The following KCNIP4 variants were observed in gnomAD, a reference collection of about 807,000 sequenced individuals.
The protein encoded by KCNIP4 is potassium voltage-gated channel interacting protein 4.
KCNIP4 carries 12 observed loss-of-function variants against 34.0 expected under a neutral mutation model. The ratio of observed to expected loss-of-function variants is 0.35; its 90% CI spans 0.23 to 0.57. The LOEUF is 0.57. KCNIP4 is among the 20% of genes least tolerant of loss of function. The probability of loss-of-function intolerance (pLI) is 0.83; values close to 1 mark genes in which losing one functional copy is unlikely to be tolerated. For missense variants in KCNIP4, 238 were observed against 311.7 expected (o/e 0.76, Z 1.78); for synonymous variants, 124 against 102.2 (o/e 1.21, Z -1.29).
intron 1 of KCNIP4, among the ~76,000 whole-genome samples, chr4:21,150,223 CATAGGGT>C (rs1345106605): frequency 4.6e-5 from 7 of 152,094 alleles, no homozygotes; most frequent in Non-Finnish European, 8.8e-5. Context: ...CCAGCAAACA[CATAGGGT>C]ATGTAGAACT....
chr4:21,682,444 C>T (rs893486768), intron 1 of KCNIP4, among the ~76,000 whole-genome samples: 8 of 152,124 alleles, frequency 5.3e-5, no homozygotes, highest in South Asian at 2.1e-4. Context: ...ATCTTTTACC[C>T]GGACCACTAA....
chr4:21,188,391 A>G (rs1216011289), intron 1 of KCNIP4, among the ~76,000 whole-genome samples: 1 of 152,182 alleles, frequency 6.6e-6, no homozygotes, highest in Non-Finnish European at 1.5e-5. Context: ...GAAGCAATCT[A>G]ATCAAAGAAA....
intron 1 of KCNIP4, among the ~76,000 whole-genome samples, chr4:21,520,633 A>T (rs1484292950): frequency 6.6e-6 from 1 of 152,190 alleles, no homozygotes; most frequent in East Asian, 1.9e-4. Context: ...TGTAGCCCTG[A>T]GTAAGCAATG....
At chr4:21,259,229 A>T (rs1052064266) in intron 1 of KCNIP4, among the ~76,000 whole-genome samples, 1 of 152,180 alleles carries the variant, frequency 6.6e-6, no homozygotes, top group Non-Finnish European at 1.5e-5. Context: ...CTCCTACCTC[A>T]TTAAAACAAT....
chr4:21,529,496 A>G (rs1364674808), intron 1 of KCNIP4, among the ~76,000 whole-genome samples: 2 of 152,194 alleles, frequency 1.3e-5, no homozygotes, highest in Non-Finnish European at 2.9e-5. Flanking sequence ...GTTGGAGCTG[A>G]AACTAATGGA....
chr4:20,960,562 A>T (rs1042921450), intron 1 of KCNIP4, among the ~76,000 whole-genome samples: 6 of 152,196 alleles, frequency 3.9e-5, no homozygotes, highest in Admixed American at 1.3e-4. Flanking sequence ...GGGAGTGGGA[A>T]CTCACACAAG....
chr4:21,180,520 A>C (rs1754760804), intron 1 of KCNIP4, among the ~76,000 whole-genome samples: 1 of 151,902 alleles, frequency 6.6e-6, no homozygotes, highest in African/African-American at 2.4e-5. Flanking sequence ...ATATGAGTAT[A>C]AATTAATCAT....
intron 1 of KCNIP4, among the ~76,000 whole-genome samples, chr4:20,951,292 T>G (rs1484701859): frequency 6.6e-6 from 1 of 152,134 alleles, no homozygotes; most frequent in Non-Finnish European, 1.5e-5. Flanking sequence ...AAATAAGTTG[T>G]TTAAGCCACC....
At chr4:20,922,410 T>A (rs1729472204) in intron 1 of KCNIP4, among the ~76,000 whole-genome samples, 1 of 152,136 alleles carries the variant, frequency 6.6e-6, no homozygotes, top group South Asian at 2.1e-4. Context: ...CATTGTAGCG[T>A]CTGGTTCGTG....
chr4:21,291,924 AAAGAAAGAAAG>A lies in KCNIP4; in HGVS notation c.62-409226_62-409216del, dbSNP rs1282892594. Among the ~76,000 whole-genome samples, 115 of 90,114 alleles carry A rather than the reference AAAGAAAGAAAG, an allele frequency of 1.3e-3. 6 individuals carry two copies. Among genetic ancestry groups the A allele is most frequent in the African/African-American group, 5.2e-3 (72 of 13,718 alleles). 59.1% of individuals were successfully genotyped at this position (90,114 alleles called of 152,430 possible). On this transcript the variant is annotated intron_variant, in intron 1 of 8. Transcript: ENST00000382152. ...GAAAGAAAGAAAGAAAGAAAGAAAG[AAAGAAAGAAAG>A]AAAAAAAAAGAAAAAAGTCTGATGA...
intron 1 of KCNIP4, chr4:21,697,626 G>A (rs1404458168): frequency 7.5e-7 from 1 of 1,340,778 alleles, no homozygotes; most frequent in Admixed American, 4.1e-5. Context: ...AGAGAAGCCA[G>A]ATACAGCTAC....
intron 3 of KCNIP4, among the ~76,000 whole-genome samples, chr4:20,784,356 G>C (rs149134980): frequency 6.6e-6 from 1 of 152,248 alleles, no homozygotes; most frequent in Non-Finnish European, 1.5e-5. Context: ...GTGTTTATCT[G>C]ACTAAACCAC....
At chr4:21,073,965 C>G (rs554007777) in intron 1 of KCNIP4, among the ~76,000 whole-genome samples, 149 of 152,266 alleles carry the variant, frequency 9.8e-4, no homozygotes, top group Non-Finnish European at 1.8e-3. Flanking sequence ...GTTGAACCAG[C>G]CTTGCATCCC....
At chr4:21,504,465 C>CAAAAAAAAAA (rs376644707) in intron 1 of KCNIP4, among the ~76,000 whole-genome samples, 118 of 56,154 alleles carry the variant, frequency 2.1e-3, no homozygotes, top group African/African-American at 7.6e-3. Context: ...GACTCCAACT[C>CAAAAAAAAAA]AAAAAAAAAA....
At chr4:21,078,935 G>A (rs901563867) in intron 1 of KCNIP4, among the ~76,000 whole-genome samples, 1 of 152,072 alleles carries the variant, frequency 6.6e-6, no homozygotes, top group Non-Finnish European at 1.5e-5. Flanking sequence ...GAGAGCCTGG[G>A]CTGTCCTCTT....
intron 2 of KCNIP4, among the ~76,000 whole-genome samples, chr4:20,855,554 T>C (rs1410188282): frequency 6.6e-6 from 1 of 152,108 alleles, no homozygotes; most frequent in East Asian, 1.9e-4. Context: ...TCCTCCTTAC[T>C]ACTCTGCCTC....
intron 3 of KCNIP4, among the ~76,000 whole-genome samples, chr4:20,840,874 A>AT (rs759371112): frequency 1.2e-4 from 18 of 152,150 alleles, no homozygotes; most frequent in Non-Finnish European, 2.5e-4. Context: ...AGTGAAAGGG[A>AT]TTTTTAAGCC....
At position 21,933,698 on chromosome 4, in the gene KCNIP4, T is replaced by C. The variant is rs111927991; in HGVS notation, c.61+14873A>G. 4.7e-3 allele frequency among the ~76,000 whole-genome samples: 717 copies of C among 152,188 alleles called. 4 individuals are homozygous for C. Among genetic ancestry groups the C allele is most frequent in the African/African-American group, 0.016 (676 of 41,542 alleles). On this transcript the variant is annotated intron_variant, in intron 1 of 8. Transcript: ENST00000382152. The stretch of plus-strand genomic sequence containing the variant: ...AATAAATGTGTTCATTGGAGTGAAG[T>C]TGAATGAAATGTGTCCTGACACCCA...
chr4:21,545,914 G>T (rs1418261904), intron 1 of KCNIP4, among the ~76,000 whole-genome samples: 1 of 152,050 alleles, frequency 6.6e-6, no homozygotes, highest in East Asian at 1.9e-4. Flanking sequence ...TGGGATTGCT[G>T]GGTCAAATGG....
Sources: gnomAD v4.1 joint callset for allele counts (sites outside exome capture counted in the v4.1 genomes callset) on GRCh38, gnomAD v4.1.1 for gene constraint, MANE v1.5 for transcripts, NCBI Gene and HGNC (gene_info 2026-07-23, HGNC 2026-07-21) for gene names.